The following EYA2 variants were observed in gnomAD, a reference collection of about 807,000 sequenced individuals.
The protein encoded by EYA2 is EYA transcriptional coactivator and phosphatase 2.
A neutral mutation model predicts 69.2 loss-of-function variants in EYA2; 31 were observed. That is an observed-to-expected ratio of 0.45 (90% confidence interval 0.34 to 0.60). EYA2 has a LOEUF of 0.60. Among genes scored for constraint, EYA2 ranks in the 20% least tolerant of loss-of-function variants. The probability of loss-of-function intolerance (pLI) is 0.02; values close to 1 mark genes in which losing one functional copy is unlikely to be tolerated. For missense variants in EYA2, 622 were observed against 701.2 expected, an observed-to-expected ratio of 0.89 and a Z score of 1.28; for synonymous variants, 257 against 279.4, an observed-to-expected ratio of 0.92 and a Z score of 0.80.
intron 4 of EYA2, 113 bp downstream of exon 4, chr20:47,005,197 G>A: frequency 8.1e-7 from 1 of 1,229,780 alleles, no homozygotes; most frequent in Non-Finnish European, 1.1e-6. Flanking sequence ...AGCTGATTTT[G>A]GATTAGAGAT....
rs541870650 is a variant in EYA2, at chr20:47,058,978, G to A, written c.416-13207G>A. Among the ~76,000 whole-genome samples, 12 of 152,294 alleles carry A rather than the reference G, an allele frequency of 7.9e-5. No individual in the cohort carries two copies. The South Asian group carries it at 1.0e-3, about 13-fold the overall frequency. ...TTTACAGAAACAAATGCCTGCTCCC[G>A]AAACACTAGTGCATGTTTTGCACTA... On this transcript the variant is annotated intron_variant, in intron 5 of 15. Transcript: ENST00000327619.
intron 1 of EYA2, among the ~76,000 whole-genome samples, chr20:46,914,803 G>A (rs547820665): frequency 6.6e-6 from 1 of 152,290 alleles, no homozygotes; most frequent in African/African-American, 2.4e-5. Context: ...AGGAGATAAT[G>A]GGCTGAGGCA....
chr20:47,033,740 T>C (rs1170858601), intron 5 of EYA2, among the ~76,000 whole-genome samples: 1 of 152,220 alleles, frequency 6.6e-6, no homozygotes, highest in Non-Finnish European at 1.5e-5. Flanking sequence ...AGTGTTCAAA[T>C]TGAAGGCTGC....
At chr20:46,924,067 C>T (rs1985296831) in intron 1 of EYA2, among the ~76,000 whole-genome samples, 1 of 152,032 alleles carries the variant, frequency 6.6e-6, no homozygotes, top group Non-Finnish European at 1.5e-5. Flanking sequence ...TGGGGGATTC[C>T]TCATATTAAT....
chr20:46,993,998 T>A (rs1246399792), intron 2 of EYA2, among the ~76,000 whole-genome samples: 1 of 152,224 alleles, frequency 6.6e-6, no homozygotes, highest in Non-Finnish European at 1.5e-5. Flanking sequence ...CTGTTCCTGT[T>A]TAGCATGCAA....
chr20:47,173,746 C>A (rs1018034051), intron 12 of EYA2, among the ~76,000 whole-genome samples: 3 of 152,014 alleles, frequency 2.0e-5, no homozygotes. Context: ...TTGACAAGCC[C>A]GCCAGGTGAC....
intron 10 of EYA2, chr20:47,161,034 TC>T: frequency 3.4e-6 from 1 of 296,582 alleles, no homozygotes; most frequent in Non-Finnish European, 6.4e-6. Context: ...TGGCGAAGTT[TC>T]CCAGGGTGGC....
At chr20:47,137,780 C>T (rs938839795) in intron 9 of EYA2, among the ~76,000 whole-genome samples, 3 of 152,142 alleles carry the variant, frequency 2.0e-5, no homozygotes, top group Non-Finnish European at 4.4e-5. Context: ...CCTGGAAAAA[C>T]ATTTCCTACT....
At chr20:47,151,109 G>A (rs1026174259) in intron 10 of EYA2, among the ~76,000 whole-genome samples, 4 of 152,092 alleles carry the variant, frequency 2.6e-5, no homozygotes, top group Admixed American at 1.3e-4. Context: ...AGTTGTTTGC[G>A]CCTGTAATCC....
intron 1 of EYA2, among the ~76,000 whole-genome samples, chr20:46,910,512 G>A (rs1429679262): frequency 6.6e-6 from 1 of 152,170 alleles, no homozygotes; most frequent in Non-Finnish European, 1.5e-5. Flanking sequence ...CAAAAGTTGA[G>A]GCACTCCAGC....
chr20:46,910,925 TG>T (rs1984613222), intron 1 of EYA2, among the ~76,000 whole-genome samples: 1 of 152,240 alleles, frequency 6.6e-6, no homozygotes, highest in African/African-American at 2.4e-5. Flanking sequence ...TGACTGGGGC[TG>T]GGAACTGTCT....
chr20:47,043,565 C>T (rs1162266778), intron 5 of EYA2, among the ~76,000 whole-genome samples: 1 of 152,186 alleles, frequency 6.6e-6, no homozygotes, highest in African/African-American at 2.4e-5. Flanking sequence ...TCATTTATGA[C>T]CTGGCCTAAC....
intron 1 of EYA2, among the ~76,000 whole-genome samples, chr20:46,903,978 T>G (rs1266073844): frequency 6.6e-6 from 1 of 152,206 alleles, no homozygotes; most frequent in Non-Finnish European, 1.5e-5. Context: ...TGGGGAACAG[T>G]GCACTGGATC....
At chr20:47,174,194 C>T (rs1166043099) in intron 12 of EYA2, among the ~76,000 whole-genome samples, 1 of 152,048 alleles carries the variant, frequency 6.6e-6, no homozygotes, top group Non-Finnish European at 1.5e-5. Context: ...ACACATTGGC[C>T]CCAAAAACTT....
intron 1 of EYA2, among the ~76,000 whole-genome samples, chr20:46,909,929 T>C (rs964943879): frequency 6.6e-6 from 1 of 152,218 alleles, no homozygotes; most frequent in Non-Finnish European, 1.5e-5. Context: ...ACATTCTTAC[T>C]AGGTCAGTAT....
In EYA2 at chr20:47,169,722, G is replaced by A. The variant is rs1028664909; in HGVS notation, c.1037+525G>A. ...TATTCTTCAAAGATCTGCTCAAAAT[G>A]TTGAAAATACCCTTTCTTTCAGCTT... On this transcript the variant is annotated intron_variant, in intron 11 of 15. Transcript: ENST00000327619. Among the ~76,000 whole-genome samples, 4 of 152,142 alleles carry A rather than the reference G, an allele frequency of 2.6e-5. No homozygotes were observed. In the East Asian group the frequency reaches 5.8e-4, roughly 22 times the overall value.
At chr20:47,061,574 C>A (rs1352481436) in intron 5 of EYA2, among the ~76,000 whole-genome samples, 3 of 152,158 alleles carry the variant, frequency 2.0e-5, no homozygotes, top group Admixed American at 2.0e-4. Flanking sequence ...TCCTGCTAAG[C>A]CATTTTGCCT....
chr20:46,987,964 C>CTCTATATATATA (rs1555809797), intron 1 of EYA2, among the ~76,000 whole-genome samples: 2 of 11,276 alleles, frequency 1.8e-4, no homozygotes, highest in African/African-American at 2.8e-4. Context: ...CTCTCTCTCT[C>CTCTATATATATA]TATATATATA....
At chr20:47,129,369 A>C (rs746119726) in intron 9 of EYA2, among the ~76,000 whole-genome samples, 1 of 152,190 alleles carries the variant, frequency 6.6e-6, no homozygotes, top group African/African-American at 2.4e-5. Context: ...GTCAGAGAAG[A>C]CCTTTCTGGC....
Sources: allele counts gnomAD v4.1 joint callset (sites outside exome capture counted in the v4.1 genomes callset), GRCh38; gene constraint gnomAD v4.1.1; transcripts MANE v1.5; gene names NCBI Gene and HGNC (gene_info 2026-07-23, HGNC 2026-07-21).